The following KLHL29 variants were observed in gnomAD, a reference collection of about 807,000 sequenced individuals.
The protein encoded by KLHL29 is kelch like family member 29, also known as kelch-like protein 29.
A neutral mutation model predicts 80.4 loss-of-function variants in KLHL29; 21 were observed. The observed-to-expected ratio is 0.26, with a 90% CI of 0.19 to 0.38. The LOEUF is 0.38. Among genes scored for constraint, KLHL29 ranks in the 10% least tolerant of loss-of-function variants. KLHL29 has a pLI of 1.00. For missense variants in KLHL29, 867 were observed against 1,223.9 expected (o/e 0.71, Z 4.35); for synonymous variants, 511 against 526.8 (o/e 0.97, Z 0.41).
At chr2:23,577,411 A>G (rs1004554408) in intron 3 of KLHL29, among the ~76,000 whole-genome samples, 28 of 152,106 alleles carry the variant, frequency 1.8e-4, no homozygotes, top group African/African-American at 6.8e-4. Context: ...AGATTGCTCC[A>G]TTGCACTCCA....
chr2:23,656,591 C>T (rs1670251560), intron 5 of KLHL29, among the ~76,000 whole-genome samples: 1 of 152,236 alleles, frequency 6.6e-6, no homozygotes, highest in African/African-American at 2.4e-5. Flanking sequence ...TGAGTGATCG[C>T]CTTCCCGTGG....
chr2:23,639,417 G>A, intron 4 of KLHL29, 137 bp downstream of exon 4: 1 of 786,778 alleles, frequency 1.3e-6, no homozygotes, highest in Non-Finnish European at 2.0e-6. Context: ...AGGTTCAGGG[G>A]GCAAAGGCAC....
rs924555756 is a variant in KLHL29 at position 23,555,987 on chromosome 2, G to T, written c.-45-6165G>T. Among the ~76,000 whole-genome samples the T allele has an allele frequency of 2.0e-5, 3 of 152,204 alleles. No individual in the cohort carries two copies. In the South Asian group the frequency reaches 6.2e-4, roughly 31 times the overall value. ...AGACGCCAGCATGTGGCTCTGAAGG[G>T]GGGACTGGATTGCAGCAGGATCAAT... On this transcript the variant is annotated intron_variant, in intron 2 of 13. Transcript: ENST00000486442.
chr2:23,612,922 C>A (rs1668905154), intron 3 of KLHL29, among the ~76,000 whole-genome samples: 2 of 152,016 alleles, frequency 1.3e-5, no homozygotes, highest in Admixed American at 6.5e-5. Context: ...GATAAAAAAT[C>A]TCTTATGAAA....
chr2:23,450,313 A>T (rs990218327), intron 1 of KLHL29, among the ~76,000 whole-genome samples: 1 of 152,132 alleles, frequency 6.6e-6, no homozygotes, highest in Non-Finnish European at 1.5e-5. Context: ...GCTTCATGGG[A>T]TCATGTGAAG....
chr2:23,444,012 A>C (rs1031832720), intron 1 of KLHL29, among the ~76,000 whole-genome samples: 1 of 152,138 alleles, frequency 6.6e-6, no homozygotes, highest in African/African-American at 2.4e-5. Flanking sequence ...TATTAGCTGA[A>C]AGTTTTTGTA....
At chr2:23,590,995 G>A (rs866582797) in intron 3 of KLHL29, among the ~76,000 whole-genome samples, 2 of 152,144 alleles carry the variant, frequency 1.3e-5, no homozygotes, top group Admixed American at 6.5e-5. Flanking sequence ...AATCTCAGAT[G>A]GCCCAACGAC....
intron 5 of KLHL29, among the ~76,000 whole-genome samples, chr2:23,675,897 A>C (rs913093353): frequency 6.6e-6 from 1 of 152,142 alleles, no homozygotes; most frequent in African/African-American, 2.4e-5. Context: ...GGGGAATGTG[A>C]TCTAACCCCC....
rs1207038096 is a variant in KLHL29, at chr2:23,695,679, G to C, written c.1599G>C (p.Leu533=). 4 of 1,551,594 alleles carry C rather than the reference G, an allele frequency of 2.6e-6. No individual in the cohort carries two copies. The Admixed American group carries it at 7.8e-5, about 30-fold the overall frequency. Residue 533 remains leucine (L), a synonymous_variant, in exon 9 of 14, where the codon CTG becomes CTC. Transcript: ENST00000486442. This position sits in a 1 kb window ranked among gnomAD's most constrained non-coding sequence, Gnocchi z 7.6. ...TCCCCTTCATCCACCCCAGCTACCTGCTCAATGTGGTTGACAATGAAGAGC... is the reference window on the plus strand; with the variant it reads ...TCCCCTTCATCCACCCCAGCTACCTCCTCAATGTGGTTGACAATGAAGAGC... ...VRLPFIHPSY[L]LNVVDNEELI...
intron 2 of KLHL29, among the ~76,000 whole-genome samples, chr2:23,484,525 G>A (rs1012274172): frequency 2.6e-5 from 4 of 152,218 alleles, no homozygotes; most frequent in African/African-American, 7.2e-5. Context: ...GCTGAAAGTG[G>A]AAAACGGAAG....
At chr2:23,578,843 C>T (rs1406003049) in intron 3 of KLHL29, among the ~76,000 whole-genome samples, 1 of 152,218 alleles carries the variant, frequency 6.6e-6, no homozygotes, top group East Asian at 1.9e-4. Flanking sequence ...CTTTGTGTGG[C>T]AGGCATCTCG....
rs781393357 is a variant in KLHL29 at position 23,691,792 on chromosome 2, G to A, written c.1198G>A (p.Asp400Asn). Residue 400 changes from aspartate to asparagine, a missense_variant, in exon 7 of 14, where the codon GAC becomes AAC. This residue lies in a region of KLHL29 where 443 missense variants were observed against 767.0 expected (regional missense o/e 0.58). Coordinates refer to ENST00000486442, the MANE Select transcript of KLHL29 (RefSeq NM_052920.2). Reference protein sequence around the residue: ...EFVYTGSLVIDSANAKTLLEA... With the variant: ...EFVYTGSLVINSANAKTLLEA... ...TGTCTACACGGGCTCCCTGGTCATCGACTCGGCCAACGCCAAGACACTGCT... is the reference window on the plus strand; with the variant it reads ...TGTCTACACGGGCTCCCTGGTCATCAACTCGGCCAACGCCAAGACACTGCT... 40 of 1,551,558 alleles carry A rather than the reference G, an allele frequency of 2.6e-5. No individual in the cohort carries two copies. Among genetic ancestry groups the A allele is most frequent in the African/African-American group, 9.6e-5 (7 of 73,044 alleles).
chr2:23,398,366 G>A (rs1666506185), intron 1 of KLHL29, among the ~76,000 whole-genome samples: 1 of 152,228 alleles, frequency 6.6e-6, no homozygotes, highest in Non-Finnish European at 1.5e-5. Flanking sequence ...GTCACGAAAG[G>A]ACCATTACTG....
chr2:23,565,658 T>C (rs1387691229), intron 3 of KLHL29, among the ~76,000 whole-genome samples: 1 of 149,114 alleles, frequency 6.7e-6, no homozygotes, highest in Non-Finnish European at 1.5e-5. Context: ...GAAACTGCAC[T>C]CCAGTGGATG....
intron 2 of KLHL29, among the ~76,000 whole-genome samples, chr2:23,509,784 G>C (rs565243632): frequency 2.6e-5 from 4 of 152,240 alleles, no homozygotes; most frequent in Admixed American, 2.6e-4. Flanking sequence ...CACTCCACCC[G>C]CTGTGACCCG....
intron 1 of KLHL29, among the ~76,000 whole-genome samples, chr2:23,460,901 G>T (rs1189668436): frequency 2.0e-5 from 3 of 152,112 alleles, no homozygotes; most frequent in African/African-American, 7.2e-5. Context: ...CAGCAGTTCC[G>T]GGCAGAGGCA....
At chr2:23,642,250 C>G (rs1248264835) in intron 4 of KLHL29, 88 bp from the exon 5 acceptor site, 1 of 1,251,302 alleles carries the variant, frequency 8.0e-7, no homozygotes, top group Non-Finnish European at 1.0e-6. Context: ...CCTCTGTGAC[C>G]TAGCACCCAG....
At chr2:23,678,734 A>C (rs1037132820) in intron 5 of KLHL29, among the ~76,000 whole-genome samples, 1 of 152,246 alleles carries the variant, frequency 6.6e-6, no homozygotes, top group African/African-American at 2.4e-5. Flanking sequence ...CCAGCCTTAA[A>C]AAGGAGGGAA....
intron 2 of KLHL29, among the ~76,000 whole-genome samples, chr2:23,550,503 T>A (rs11676765): frequency 6.6e-6 from 1 of 152,090 alleles, no homozygotes; most frequent in Non-Finnish European, 1.5e-5. Context: ...GGGATGTTAA[T>A]GTCCCCGGCC....
Sources: gnomAD v4.1 joint callset for allele counts (sites outside exome capture counted in the v4.1 genomes callset) on GRCh38, gnomAD v4.1.1 for gene constraint, gnomAD v4.1.1 regional missense constraint, Gnocchi (gnomAD v3.1) non-coding constraint, MANE v1.5 for transcripts, NCBI Gene and HGNC (gene_info 2026-07-23, HGNC 2026-07-21) for gene names.